ASPH: variants seen among roughly 807,000 people sequenced by gnomAD.
ASPH encodes the protein aspartate beta-hydroxylase, also known as aspartyl/asparaginyl beta-hydroxylase.
Under a neutral mutation model 118.4 loss-of-function variants are expected in ASPH, and 100 were observed. The observed-to-expected ratio is 0.84, with a 90% CI of 0.72 to 1.00. The LOEUF (loss-of-function observed/expected upper bound fraction) is 1.00. Ranked by LOEUF, ASPH falls within the 50% of genes least tolerant of loss-of-function variation. The pLI, the probability that ASPH is intolerant of heterozygous loss-of-function variation, is 0.00. For missense variants in ASPH, 920 were observed against 919.5 expected, an observed-to-expected ratio of 1.00 and a Z score of -0.01; for synonymous variants, 315 against 325.6, an observed-to-expected ratio of 0.97 and a Z score of 0.35.
intron 2 of ASPH, 90 bp downstream of exon 2, chr8:61,683,949 G>T: frequency 6.9e-7 from 1 of 1,440,524 alleles, no homozygotes; most frequent in Non-Finnish European, 9.5e-7. Flanking sequence ...GAAATTACCA[G>T]TACCAGAAAG....
chr8:61,533,141 T>G (rs187652924), intron 21 of ASPH, among the ~76,000 whole-genome samples: 2 of 152,046 alleles, frequency 1.3e-5, no homozygotes, highest in Admixed American at 1.3e-4. Flanking sequence ...GGAACTCTTT[T>G]TATCTGAATG....
rs767213465 is a variant in ASPH at position 61,548,091 on chromosome 8, C to A, written c.1744G>T (p.Gly582Cys). ...AQPWWTPKET[G>C]YTELVKSLER... Reference sequence around the variant, plus strand: ...CTTACCTTTACTAACTCTGTGTAGCCCGTTTCTTTTGGGGTCCACCAAGGC... The same window carrying A: ...CTTACCTTTACTAACTCTGTGTAGCACGTTTCTTTTGGGGTCCACCAAGGC... Residue 582 changes from glycine to cysteine, a missense_variant, in exon 21 of 25, where the codon GGC becomes TGC. Coordinates refer to ENST00000379454, the MANE Select transcript of ASPH (RefSeq NM_004318.4). 6.2e-7 allele frequency: 1 copy of A among 1,613,512 alleles called. No individual in the cohort carries two copies.
chr8:61,592,817 T>C (rs1841529223), intron 14 of ASPH, among the ~76,000 whole-genome samples: 1 of 152,222 alleles, frequency 6.6e-6, no homozygotes, highest in South Asian at 2.1e-4. Context: ...GCTTTTCTTT[T>C]TAAAATCACT....
chr8:61,587,535 T>C (rs1382146804), intron 14 of ASPH, among the ~76,000 whole-genome samples: 1 of 152,206 alleles, frequency 6.6e-6, no homozygotes, highest in Non-Finnish European at 1.5e-5. Flanking sequence ...TAAAATAATA[T>C]TTATTTAAAA....
At chr8:61,636,141 C>A (rs1192940606) in intron 12 of ASPH, among the ~76,000 whole-genome samples, 1 of 152,044 alleles carries the variant, frequency 6.6e-6, no homozygotes, top group Non-Finnish European at 1.5e-5. Flanking sequence ...AAACACAGGG[C>A]TGATACAATG....
At chr8:61,521,469 T>A (rs1223087073) in intron 22 of ASPH, among the ~76,000 whole-genome samples, 2 of 152,206 alleles carry the variant, frequency 1.3e-5, no homozygotes, top group African/African-American at 2.4e-5. Context: ...TTCAGGGACA[T>A]GCACACATCA....
chr8:61,511,547 G>A (rs141224710), intron 24 of ASPH, among the ~76,000 whole-genome samples: 46 of 152,214 alleles, frequency 3.0e-4, no homozygotes, highest in Non-Finnish European at 8.8e-5. Flanking sequence ...CCACTTGCTG[G>A]GGACATGTTT....
At chr8:61,581,986 T>C (rs1323139839) in intron 15 of ASPH, among the ~76,000 whole-genome samples, 1 of 152,192 alleles carries the variant, frequency 6.6e-6, no homozygotes, top group East Asian at 1.9e-4. Flanking sequence ...GCCTAAGGCA[T>C]GAACTGAGGC....
At chr8:61,688,781 A>G (rs1447957044) in intron 1 of ASPH, among the ~76,000 whole-genome samples, 1 of 152,194 alleles carries the variant, frequency 6.6e-6, no homozygotes, top group African/African-American at 2.4e-5. Context: ...GGATTACCTA[A>G]TCCACAAGAG....
At chr8:61,512,332 C>A (rs1250928560) in intron 24 of ASPH, among the ~76,000 whole-genome samples, 1 of 151,952 alleles carries the variant, frequency 6.6e-6, no homozygotes, top group Admixed American at 6.6e-5. Context: ...TAGGGTAGGC[C>A]CTAAATCCAA....
At chr8:61,582,903 T>C (rs180856247) in intron 15 of ASPH, 2 of 152,306 alleles carry the variant, frequency 1.3e-5, no homozygotes, top group Admixed American at 6.5e-5. Flanking sequence ...AACAAGGAGA[T>C]GATTAATTGA....
chr8:61,584,766 C>A (rs189960423), intron 14 of ASPH, among the ~76,000 whole-genome samples: 2 of 152,020 alleles, frequency 1.3e-5, no homozygotes, highest in East Asian at 3.9e-4. Context: ...GCCTTGGCCT[C>A]CCAAGGTGCT....
In ASPH at chr8:61,683,855, A is replaced by G. The variant is rs572229754; in HGVS notation, c.253+184T>C. 6.4e-6 allele frequency: 4 copies of G among 621,638 alleles called. No homozygotes were observed. The South Asian group carries it at 9.4e-5, about 15-fold the overall frequency. 38.5% of individuals were successfully genotyped at this position (621,638 alleles called of 1,614,324 possible). On this transcript the variant is annotated intron_variant, in intron 2 of 24. Transcript: ENST00000379454. The stretch of plus-strand genomic sequence containing the variant: ...TCAAAAACCTACAGGTCACATTTAA[A>G]GAGTTCAAAAGACAATACTCCAAGG...
intron 13 of ASPH, chr8:61,626,344 AT>A: frequency 1.4e-6 from 2 of 1,388,278 alleles, no homozygotes; most frequent in African/African-American, 1.5e-5. Context: ...AAACTGCTTC[AT>A]TTTCATTCTA....
intron 7 of ASPH, 72 bp downstream of exon 7, chr8:61,644,528 T>C: frequency 2.9e-6 from 3 of 1,035,228 alleles, no homozygotes; most frequent in Admixed American, 2.8e-5. Context: ...ATAATAGATA[T>C]TATGTATTTT....
intron 1 of ASPH, among the ~76,000 whole-genome samples, chr8:61,702,745 C>T (rs1360987741): frequency 2.6e-5 from 4 of 152,074 alleles, no homozygotes; most frequent in African/African-American, 9.7e-5. Flanking sequence ...TCCAATAATA[C>T]TGAAAATATA....
At chr8:61,536,417 C>T (rs1819624195) in intron 21 of ASPH, among the ~76,000 whole-genome samples, 1 of 152,174 alleles carries the variant, frequency 6.6e-6, no homozygotes, top group Non-Finnish European at 1.5e-5. Context: ...AAGCTTGCTA[C>T]AGCAAGGGAG....
intron 24 of ASPH, among the ~76,000 whole-genome samples, chr8:61,510,769 C>T (rs6471957): frequency 0.97 from 148,160 of 152,296 alleles, 72,077 homozygotes; most frequent in East Asian, 1. Context: ...TACTATTCAA[C>T]AACAAACCTT....
chr8:61,629,338 C>G (rs1854490413), intron 13 of ASPH, among the ~76,000 whole-genome samples: 1 of 152,162 alleles, frequency 6.6e-6, no homozygotes, highest in African/African-American at 2.4e-5. Flanking sequence ...AATTTTACTC[C>G]AATGAGCTTT....
Sources: allele counts gnomAD v4.1 joint callset (sites outside exome capture counted in the v4.1 genomes callset), GRCh38; gene constraint gnomAD v4.1.1; transcripts MANE v1.5; gene names NCBI Gene and HGNC (gene_info 2026-07-23, HGNC 2026-07-21).